Variants in SASH1 observed in about 807,000 individuals in gnomAD.
The protein encoded by SASH1 is SAM and SH3 domain-containing protein 1.
SASH1 carries 44 observed loss-of-function variants against 125.2 expected under a neutral mutation model. The observed-to-expected ratio is 0.35, with a 90% confidence interval of 0.28 to 0.45. The LOEUF is 0.45. SASH1 is among the 20% of genes least tolerant of loss of function. SASH1 has a pLI of 1.00. For missense variants in SASH1, 1,426 were observed against 1,614.5 expected, an observed-to-expected ratio of 0.88 and a Z score of 2.00; for synonymous variants, 639 against 649.1, an observed-to-expected ratio of 0.98 and a Z score of 0.24.
At chr6:148,507,504 G>A (rs1438965498) in intron 8 of SASH1, among the ~76,000 whole-genome samples, 1 of 152,098 alleles carries the variant, frequency 6.6e-6, no homozygotes, top group East Asian at 1.9e-4. Flanking sequence ...CTGAGTAGCT[G>A]GGATTACCGG....
At chr6:148,511,343 ACAC>A in intron 8 of SASH1, among the ~76,000 whole-genome samples, 1 of 148,308 alleles carries the variant, frequency 6.7e-6, no homozygotes, top group Non-Finnish European at 1.5e-5. Context: ...ACACACACAC[ACAC>A]ACACACACAC....
chr6:148,388,925 A>C (rs1001195993), intron 1 of SASH1, among the ~76,000 whole-genome samples: 2 of 151,740 alleles, frequency 1.3e-5, no homozygotes, highest in Non-Finnish European at 2.9e-5. Context: ...AAAGTCATTT[A>C]TTTATACCAA....
chr6:148,530,651 T>C (rs566838703), intron 12 of SASH1, among the ~76,000 whole-genome samples: 6 of 152,368 alleles, frequency 3.9e-5, no homozygotes, highest in South Asian at 2.1e-4. Flanking sequence ...TGAGCCCGTG[T>C]GGCTGCGGCC....
At chr6:148,251,091 C>T in the SASH1 span, among the ~76,000 whole-genome samples, 1 of 152,072 alleles carries the variant, frequency 6.6e-6, no homozygotes, top group Non-Finnish European at 1.5e-5. Context: ...CCAATAGGCC[C>T]CTATAATAAT....
intron 1 of SASH1, among the ~76,000 whole-genome samples, chr6:148,387,566 CTCTTTCTT>C (rs1157034465): frequency 5.3e-4 from 37 of 70,076 alleles, no homozygotes; most frequent in Non-Finnish European, 6.7e-4. Context: ...TCTTTCTTTT[CTCTTTCTT>C]TCTTTCTTTC....
At chr6:148,231,751 T>C in the SASH1 span, among the ~76,000 whole-genome samples, 2 of 152,184 alleles carry the variant, frequency 1.3e-5, no homozygotes, top group South Asian at 4.2e-4. Context: ...AACTCATTCA[T>C]AAATAACTCA....
At chr6:148,492,019 C>A (rs1414284611) in intron 8 of SASH1, among the ~76,000 whole-genome samples, 1 of 152,128 alleles carries the variant, frequency 6.6e-6, no homozygotes, top group African/African-American at 2.4e-5. Flanking sequence ...TGATTCAAAC[C>A]CAACTTGGGG....
chr6:148,359,852 G>A (rs1396889153), intron 1 of SASH1, among the ~76,000 whole-genome samples: 8 of 152,108 alleles, frequency 5.3e-5, no homozygotes, highest in Non-Finnish European at 1.0e-4. Flanking sequence ...TTTGCCTGCC[G>A]GATTCAAGTG....
chr6:148,368,246 G>C lies in SASH1; in HGVS notation c.157-21888G>C, dbSNP rs548202667. ...TGAAGGCAGATTTTGGAGTAGACAG[G>C]AATGGATTTGAAGCCAGGATCTGCT... is the stretch of plus-strand genomic sequence containing the variant. On this transcript the variant is annotated intron_variant, in intron 1 of 19. Coordinates refer to ENST00000367467, the MANE Select transcript of SASH1 (RefSeq NM_015278.5). 3.3e-5 allele frequency among the ~76,000 whole-genome samples: 5 copies of C among 152,190 alleles called. No homozygotes were observed. The East Asian group carries it at 9.7e-4, about 29-fold the overall frequency.
intron 7 of SASH1, among the ~76,000 whole-genome samples, chr6:148,487,007 A>G (rs1778892838): frequency 2.0e-5 from 2 of 100,316 alleles, no homozygotes; most frequent in Non-Finnish European, 4.4e-5. Flanking sequence ...ATTTGCTTAT[A>G]TATATGTTTT....
At chr6:148,267,594 G>T (rs565817072), upstream of SASH1, among the ~76,000 whole-genome samples, 1 of 152,016 alleles carries the variant, frequency 6.6e-6, no homozygotes, top group Admixed American at 6.6e-5. Flanking sequence ...TAGCCAGGAT[G>T]GTCTCAATCT....
intron 1 of SASH1, among the ~76,000 whole-genome samples, chr6:148,326,409 C>CTTTTCTTTTCTTTTCTTTTCTTTTT (rs1554235392): frequency 1.1e-5 from 1 of 90,128 alleles, no homozygotes; most frequent in Non-Finnish European, 2.2e-5. Context: ...CTTTTCTTTT[C>CTTTTCTTTTCTTTTCTTTTCTTTTT]TTTTCTTTTT....
At chr6:148,478,632 A>C (rs1778474401) in intron 7 of SASH1, 1 of 152,258 alleles carries the variant, frequency 6.6e-6, no homozygotes, top group Admixed American at 6.5e-5. Context: ...CAACAGGGTG[A>C]CTACAGTCAA....
chr6:148,283,477 A>T (rs1266454387), intron 1 of SASH1: 1 of 152,158 alleles, frequency 6.6e-6, no homozygotes, highest in Non-Finnish European at 1.5e-5. Context: ...CATAGAAAGA[A>T]CAAGAGTATT....
rs141648655 is a variant in SASH1, at chr6:148,422,870, C to T, written c.286-17314C>T. Among the ~76,000 whole-genome samples, 595 of 152,234 alleles carry T rather than the reference C, an allele frequency of 3.9e-3. 15 individuals carry two copies. The highest frequency in any genetic ancestry group is 0.037 in the Admixed American group (563 of 15,286). ...AGTTTGCCATTTGTTTCTGAGATTC[C>T]AATTTTTATATAATTCTTTTCTTTC... On this transcript the variant is annotated intron_variant, in intron 2 of 19. Transcript: ENST00000367467.
chr6:148,408,232 C>A (rs1784459094), intron 2 of SASH1, among the ~76,000 whole-genome samples: 1 of 150,652 alleles, frequency 6.6e-6, no homozygotes, highest in South Asian at 2.1e-4. Flanking sequence ...CTCAACCTCC[C>A]AAGTAGCAGG....
intron 1 of SASH1, among the ~76,000 whole-genome samples, chr6:148,280,952 G>T (rs1169691331): frequency 4.0e-5 from 6 of 151,620 alleles, no homozygotes; most frequent in Non-Finnish European, 7.4e-5. Flanking sequence ...TTGTTTTGTT[G>T]TTTTGTTTTG....
At chr6:148,361,576 G>A (rs545452170) in intron 1 of SASH1, among the ~76,000 whole-genome samples, 4 of 150,414 alleles carry the variant, frequency 2.7e-5, no homozygotes, top group African/African-American at 4.9e-5. Context: ...CTCCAGCCTG[G>A]GCAACAAGAG....
chr6:148,453,932 A>G (rs2115051640), intron 4 of SASH1, among the ~76,000 whole-genome samples: 1 of 152,292 alleles, frequency 6.6e-6, no homozygotes, highest in East Asian at 1.9e-4. Flanking sequence ...TTTTGACCTC[A>G]TGCATCACAG....
Sources: allele counts gnomAD v4.1 joint callset (sites outside exome capture counted in the v4.1 genomes callset), GRCh38; gene constraint gnomAD v4.1.1; transcripts MANE v1.5; gene names NCBI Gene and HGNC (gene_info 2026-07-23, HGNC 2026-07-21).